Variants in ARHGAP44 observed in about 807,000 individuals in gnomAD.
The protein encoded by ARHGAP44 is rho GTPase-activating protein 44.
Under a neutral mutation model 106.8 loss-of-function variants are expected in ARHGAP44, and 43 were observed. The ratio of observed to expected loss-of-function variants is 0.40; its 90% CI spans 0.32 to 0.52. ARHGAP44 has a LOEUF of 0.52. ARHGAP44 is among the 20% of genes least tolerant of loss of function. The probability of loss-of-function intolerance (pLI) is 0.48; values close to 1 mark genes in which losing one functional copy is unlikely to be tolerated. For missense variants in ARHGAP44, 866 were observed against 1,050.5 expected (o/e 0.82, Z 2.43); for synonymous variants, 439 against 410.3 (o/e 1.07, Z -0.85).
chr17:12,840,311 T>A (rs989426506), intron 1 of ARHGAP44, among the ~76,000 whole-genome samples: 24 of 152,220 alleles, frequency 1.6e-4, no homozygotes, highest in Middle Eastern at 3.2e-3. Flanking sequence ...TCCTTAGGAC[T>A]ATGCTTCTGG....
At chr17:12,973,815 T>C (rs2039590748) in intron 17 of ARHGAP44, 1 of 566,446 alleles carries the variant, frequency 1.8e-6, no homozygotes, top group Non-Finnish European at 3.1e-6. Context: ...GAAGCACAGC[T>C]TGTGGCCGCC....
At chr17:12,840,916 A>G (rs1342989975) in intron 1 of ARHGAP44, among the ~76,000 whole-genome samples, 1 of 152,022 alleles carries the variant, frequency 6.6e-6, no homozygotes, top group Non-Finnish European at 1.5e-5. Flanking sequence ...CCCTGACCTG[A>G]CCCAGCTCAG....
chr17:12,984,802 T>C lies in ARHGAP44; in HGVS notation c.2211T>C (p.Thr737=). 1 of 1,613,942 alleles carries C rather than the reference T, an allele frequency of 6.2e-7. No homozygotes were observed. Among genetic ancestry groups the C allele is most frequent in the Non-Finnish European group, 8.5e-7 (1 of 1,179,890 alleles). Reference sequence around the variant, plus strand: ...CTCCTAAGCCGCGACAGAGACCTACTCTGCCGCCTCCTCAGCCTCCCACAG... The same window carrying C: ...CTCCTAAGCCGCGACAGAGACCTACCCTGCCGCCTCCTCAGCCTCCCACAG... ...RPTPKPRQRP[T]LPPPQPPTVN... The change falls in exon 20 of 21, where the codon ACT becomes ACC. Residue 737 remains threonine, a synonymous_variant. Coordinates refer to ENST00000379672, the MANE Select transcript of ARHGAP44 (RefSeq NM_014859.6).
At chr17:12,909,039 C>T in intron 4 of ARHGAP44, 66 bp downstream of exon 4, 1 of 1,355,368 alleles carries the variant, frequency 7.4e-7, no homozygotes, top group East Asian at 2.5e-5. Context: ...GAAAAGGGGA[C>T]TAGACCCTCT....
Position 12,789,676 on chromosome 17 carries a change from C to A in ARHGAP44, c.-163C>A, listed in dbSNP as rs1265568451. The A allele has an allele frequency of 2.2e-6, 1 of 449,902 alleles. No individual in the cohort carries two copies. The highest frequency in any genetic ancestry group is 3.6e-6 in the Non-Finnish European group (1 of 279,568). 27.9% of individuals were successfully genotyped at this position (449,902 alleles called of 1,614,324 possible). ...GCGGCGGGAGGAGTAGGCGGCGGCGCCCTCGGGAGGGAGCTGCGCGCGGGC... is the reference window on the plus strand; with the variant it reads ...GCGGCGGGAGGAGTAGGCGGCGGCGACCTCGGGAGGGAGCTGCGCGCGGGC... On this transcript the variant is annotated 5_prime_UTR_variant, in exon 1 of 21. Transcript: ENST00000379672.
chr17:12,944,073 C>G lies in ARHGAP44; in HGVS notation c.738C>G (p.Ala246=), dbSNP rs754499583. ...VLPQIKAQQE[A]WVEKPSFGKP... ...CTTTCTCACTCCTCCCCTCAGAGGC[C>G]TGGGTAGAGAAGCCTTCCTTCGGGA... The change falls in exon 10 of 21, where the codon GCC becomes GCG. Residue 246 remains alanine (A), a synonymous_variant. Transcript: ENST00000379672. 1 of 1,610,186 alleles carries G rather than the reference C, an allele frequency of 6.2e-7. No individual in the cohort carries two copies. Among genetic ancestry groups the G allele is most frequent in the South Asian group, 1.1e-5 (1 of 90,644 alleles).
At chr17:12,902,613 T>A (rs990167660) in intron 3 of ARHGAP44, among the ~76,000 whole-genome samples, 1 of 152,158 alleles carries the variant, frequency 6.6e-6, no homozygotes, top group Non-Finnish European at 1.5e-5. Flanking sequence ...TCTGTGAATA[T>A]TTTAGGCACA....
chr17:12,952,710 CA>C, intron 13 of ARHGAP44, 129 bp downstream of exon 13: 1 of 428,330 alleles, frequency 2.3e-6, no homozygotes, highest in Non-Finnish European at 4.2e-6. Flanking sequence ...GTATTATTAA[CA>C]TGCATGGTCT....
intron 1 of ARHGAP44, among the ~76,000 whole-genome samples, chr17:12,817,806 A>G (rs942121604): frequency 6.6e-6 from 1 of 152,048 alleles, no homozygotes; most frequent in Non-Finnish European, 1.5e-5. Context: ...CAAATTACTG[A>G]AATTCACCAA....
At chr17:12,903,134 AGAGAGAGTGTGTGTGTGTGTGTGT>A (rs1567677788) in intron 3 of ARHGAP44, among the ~76,000 whole-genome samples, 18 of 127,310 alleles carry the variant, frequency 1.4e-4, no homozygotes, top group African/African-American at 5.5e-4. Flanking sequence ...GAGGAGAGAG[AGAGAGAGTGTGTGTGTGTGTGTGT>A]GTGTGTGTGT....
chr17:12,813,839 T>A (rs543322490), intron 1 of ARHGAP44, among the ~76,000 whole-genome samples: 28 of 152,270 alleles, frequency 1.8e-4, no homozygotes, highest in African/African-American at 6.7e-4. Flanking sequence ...CCCAGGCTGC[T>A]GCAGGCTGGC....
At chr17:12,986,940 C>G (rs2039974864) in intron 20 of ARHGAP44, 1 of 644,162 alleles carries the variant, frequency 1.6e-6, no homozygotes, top group African/African-American at 1.8e-5. Flanking sequence ...GTTGTTTTGT[C>G]CCATACGTTC....
chr17:12,886,964 GT>G (rs769468845), intron 1 of ARHGAP44, among the ~76,000 whole-genome samples: 2 of 108,996 alleles, frequency 1.8e-5, no homozygotes, highest in Non-Finnish European at 3.6e-5. Flanking sequence ...TTTTCTAAGA[GT>G]TTTTTTTTTG....
chr17:12,810,707 A>G lies in ARHGAP44; in HGVS notation c.53+20816A>G, dbSNP rs74320021. On this transcript the variant is annotated intron_variant, in intron 1 of 20. Coordinates refer to ENST00000379672, the MANE Select transcript of ARHGAP44 (RefSeq NM_014859.6). The stretch of plus-strand genomic sequence containing the variant: ...GTGCTAGGAGGGTGATGCACCTGCA[A>G]TTCCACGAGGAATCCCCTGCTCTCC... 4.9e-3 allele frequency among the ~76,000 whole-genome samples: 749 copies of G among 152,252 alleles called. 31 individuals carry two copies. The East Asian group carries it at 0.087, about 18-fold the overall frequency.
intron 1 of ARHGAP44, among the ~76,000 whole-genome samples, chr17:12,869,173 A>G (rs1567658974): frequency 1.3e-5 from 2 of 152,164 alleles, no homozygotes; most frequent in South Asian, 4.1e-4. Flanking sequence ...AGTGAAGAAT[A>G]TAGGATTTGG....
intron 1 of ARHGAP44, among the ~76,000 whole-genome samples, chr17:12,828,881 T>C (rs560948566): frequency 1.3e-5 from 2 of 151,900 alleles, no homozygotes; most frequent in Non-Finnish European, 2.9e-5. Flanking sequence ...GACCTCGTGA[T>C]CCGCCCACCT....
intron 1 of ARHGAP44, among the ~76,000 whole-genome samples, chr17:12,872,228 C>T (rs1448203635): frequency 6.6e-6 from 1 of 152,170 alleles, no homozygotes; most frequent in South Asian, 2.1e-4. Flanking sequence ...TCATGAGAAT[C>T]ATATGCCTTC....
intron 18 of ARHGAP44, among the ~76,000 whole-genome samples, chr17:12,977,462 T>C (rs2039714124): frequency 6.6e-6 from 1 of 152,076 alleles, no homozygotes; most frequent in Non-Finnish European, 1.5e-5. Flanking sequence ...CTTCAGTTCT[T>C]TCCCTGGCTC....
chr17:12,856,108 A>T (rs1380156963), intron 1 of ARHGAP44, among the ~76,000 whole-genome samples: 4 of 152,210 alleles, frequency 2.6e-5, no homozygotes, highest in Admixed American at 6.5e-5. Flanking sequence ...GCTTCTCCAT[A>T]GCTGAGGGGC....
Sources: gnomAD v4.1 joint callset for allele counts (sites outside exome capture counted in the v4.1 genomes callset) on GRCh38, gnomAD v4.1.1 for gene constraint, MANE v1.5 for transcripts, NCBI Gene and HGNC (gene_info 2026-07-23, HGNC 2026-07-21) for gene names.